The following TPPP variants were observed in gnomAD, a reference collection of about 807,000 sequenced individuals.
The protein encoded by TPPP is tubulin polymerization promoting protein, also known as tubulin polymerization-promoting protein.
TPPP carries 6 observed loss-of-function variants against 15.5 expected under a neutral mutation model. The ratio of observed to expected loss-of-function variants is 0.39; its 90% CI spans 0.21 to 0.77. The LOEUF (loss-of-function observed/expected upper bound fraction) is 0.77, where lower values mean the gene tolerates loss of function less well. Ranked by LOEUF, TPPP falls within the 30% of genes least tolerant of loss-of-function variation. The pLI is 0.42. For missense variants in TPPP, 269 were observed against 307.2 expected (o/e 0.88, Z 0.93); for synonymous variants, 146 against 133.9 (o/e 1.09, Z -0.63).
intron 1 of TPPP, among the ~76,000 whole-genome samples, chr5:688,640 G>C (rs1160036251): frequency 6.7e-6 from 1 of 149,654 alleles, no homozygotes; most frequent in East Asian, 1.9e-4. Context: ...AGGCGGCCTG[G>C]GGACACGTGG....
At chr5:675,483 GGGGTA>G (rs1740395968) in intron 2 of TPPP, among the ~76,000 whole-genome samples, 1 of 71,100 alleles carries the variant, frequency 1.4e-5, no homozygotes, top group Non-Finnish European at 2.3e-5. Context: ...AGTGTGGCCA[GGGGTA>G]CATTGTGGCC....
chr5:674,776 T>C (rs1390691898), intron 2 of TPPP, among the ~76,000 whole-genome samples: 1 of 151,514 alleles, frequency 6.6e-6, no homozygotes, highest in South Asian at 2.1e-4. Flanking sequence ...AGGCTGCAGG[T>C]TTCCAGCAGG....
intron 1 of TPPP, among the ~76,000 whole-genome samples, chr5:681,411 C>G (rs555626013): frequency 2.2e-4 from 34 of 152,282 alleles, no homozygotes; most frequent in South Asian, 1.2e-3. Context: ...AGGCCTGTGC[C>G]CACCATCCCA....
At chr5:691,746 C>CTA (rs1320712402) in intron 1 of TPPP, among the ~76,000 whole-genome samples, 1 of 61,162 alleles carries the variant, frequency 1.6e-5, no homozygotes, top group Non-Finnish European at 3.5e-5. Context: ...CAGCAGCCCC[C>CTA]AACCCCCATC....
chr5:668,315 A>G lies in TPPP; in HGVS notation c.312-2192T>C, dbSNP rs112278350. Among the ~76,000 whole-genome samples the G allele has an allele frequency of 5.3e-4, 41 of 76,690 alleles. 4 individuals are homozygous for G. Among genetic ancestry groups the G allele is most frequent in the African/African-American group, 2.5e-3 (37 of 14,998 alleles). The allele number at this position is 76,690 out of a possible 152,430, so 50.3% of individuals were successfully genotyped here. On this transcript the variant is annotated intron_variant, in intron 2 of 3. Coordinates refer to ENST00000360578, the MANE Select transcript of TPPP (RefSeq NM_007030.3). ...GTCAGGGAAGTACCGACAAGCACACAGAGAGGGGGCCGTGTGGGCGCCGTC... is the reference window on the plus strand; with the variant it reads ...GTCAGGGAAGTACCGACAAGCACACGGAGAGGGGGCCGTGTGGGCGCCGTC...
At chr5:686,467 C>G (rs2126912187) in intron 1 of TPPP, among the ~76,000 whole-genome samples, 1 of 151,718 alleles carries the variant, frequency 6.6e-6, no homozygotes, top group East Asian at 1.9e-4. Flanking sequence ...GAGTGCCAGA[C>G]TCACGAGGAC....
At chr5:700,513 C>A in the TPPP span, among the ~76,000 whole-genome samples, 1 of 151,936 alleles carries the variant, frequency 6.6e-6, no homozygotes, top group African/African-American at 2.4e-5. Flanking sequence ...GCGATGGGTA[C>A]ACTAAAAGCC....
upstream of TPPP, among the ~76,000 whole-genome samples, chr5:694,530 C>A (rs1174601119): frequency 8.9e-6 from 1 of 111,736 alleles, no homozygotes; most frequent in African/African-American, 2.8e-5. Flanking sequence ...CACAGCCCGG[C>A]GGCTTGGCCC....
At chr5:683,822 C>G (rs1350811521) in intron 1 of TPPP, among the ~76,000 whole-genome samples, 4 of 152,288 alleles carry the variant, frequency 2.6e-5, no homozygotes, top group Admixed American at 6.5e-5. Flanking sequence ...GCATGCTGGG[C>G]AACCTTGGCG....
At chr5:665,469 G>C in intron 3 of TPPP, 173 bp from the exon 4 acceptor site, 1 of 663,782 alleles carries the variant, frequency 1.5e-6, no homozygotes, top group Non-Finnish European at 2.5e-6. Flanking sequence ...TGACCCTGGG[G>C]CAGCCTTGGG....
At position 675,095 on chromosome 5, in the gene TPPP, G is replaced by A. The variant is rs543449455; in HGVS notation, c.311+2655C>T. The stretch of plus-strand genomic sequence containing the variant: ...AGGGGTGCAGCATGGGGGGTTCAGT[G>A]TGGTCAGGGGTGCAGCACGGGGGGT... On this transcript the variant is annotated intron_variant, in intron 2 of 3. Coordinates refer to ENST00000360578, the MANE Select transcript of TPPP (RefSeq NM_007030.3). 1.3e-3 allele frequency among the ~76,000 whole-genome samples: 111 copies of A among 85,364 alleles called. 1 individual carries two copies. The highest frequency in any genetic ancestry group is 2.1e-3 in the Non-Finnish European group (92 of 43,726). The allele number at this position is 85,364 out of a possible 152,430, so 56.0% of individuals were successfully genotyped here.
At chr5:666,355 A>G (rs1177006772) in intron 2 of TPPP, among the ~76,000 whole-genome samples, 1 of 152,208 alleles carries the variant, frequency 6.6e-6, no homozygotes, top group Non-Finnish European at 1.5e-5. Context: ...GCTCTGACAC[A>G]GGGTGTGTGC....
intron 2 of TPPP, among the ~76,000 whole-genome samples, chr5:671,112 G>A (rs905443028): frequency 6.6e-5 from 10 of 152,230 alleles, no homozygotes; most frequent in Admixed American, 2.0e-4. Context: ...CCTGAGCTCC[G>A]GAGGTCTGGC....
At chr5:673,890 A>ACAGCCACC (rs1412059390) in intron 2 of TPPP, among the ~76,000 whole-genome samples, 2 of 152,218 alleles carry the variant, frequency 1.3e-5, no homozygotes, top group Non-Finnish European at 2.9e-5. Context: ...CAAATGAGCC[A>ACAGCCACC]CAGCCACCCA....
rs142977897 is a variant in TPPP, at chr5:666,018, C to G, written c.417G>C (p.Glu139Asp). The change falls in exon 3 of 4, where the codon GAG becomes GAC. Residue 139 changes from glutamate to aspartate, a missense_variant. By Grantham distance (45) the Glu-to-Asp change is conservative (BLOSUM62 2). Transcript: ENST00000360578. ...KDKSSEEAVR[E>D]VHRLIEGKAP... ...CCTTGCCCTCGATGAGCCTGTGCAC[C>G]TCGCGAACGGCCTCCTCGCTGCTCT... 27 of 1,609,648 alleles carry G rather than the reference C, an allele frequency of 1.7e-5. No homozygotes were observed. Among genetic ancestry groups the G allele is most frequent in the Non-Finnish European group, 2.3e-5 (27 of 1,179,488 alleles).
At chr5:678,635 C>T (rs447352) in intron 1 of TPPP, among the ~76,000 whole-genome samples, 26,049 of 120,350 alleles carry the variant, frequency 0.22, 5,256 homozygotes, top group African/African-American at 0.5. Context: ...GGGGAGGGTG[C>T]GTGGTGGCCC....
intron 1 of TPPP, among the ~76,000 whole-genome samples, chr5:681,836 AG>A (rs1740633742): frequency 6.6e-6 from 1 of 152,238 alleles, no homozygotes; most frequent in Non-Finnish European, 1.5e-5. Flanking sequence ...AGAGTGGGGC[AG>A]GCAAAGGCAG....
chr5:670,076 T>C (rs1041844900), intron 2 of TPPP, among the ~76,000 whole-genome samples: 1 of 137,940 alleles, frequency 7.2e-6, no homozygotes, highest in Non-Finnish European at 1.7e-5. Context: ...TCCCAGGCTC[T>C]GAGTCCCCTG....
At chr5:692,917 C>G in intron 1 of TPPP, 1 of 908,402 alleles carries the variant, frequency 1.1e-6, no homozygotes, top group Non-Finnish European at 1.3e-6. Context: ...GAGTCCCGAG[C>G]TGGGGAGGGT....
Sources: gnomAD v4.1 joint callset for allele counts (sites outside exome capture counted in the v4.1 genomes callset) on GRCh38, gnomAD v4.1.1 for gene constraint, MANE v1.5 for transcripts, NCBI Gene and HGNC (gene_info 2026-07-23, HGNC 2026-07-21) for gene names.